The following DNAH3 variants were observed in gnomAD, a reference collection of about 807,000 sequenced individuals.
The protein encoded by DNAH3 is axonemal beta dynein heavy chain 3.
In DNAH3, 332 loss-of-function variants were observed where a neutral mutation model predicts 432.5. That is an observed-to-expected ratio of 0.77 (90% CI 0.70 to 0.84). The LOEUF is 0.84. Among genes scored for constraint, DNAH3 ranks in the 40% least tolerant of loss-of-function variants. The pLI, the probability that DNAH3 is intolerant of heterozygous loss-of-function variation, is 0.00. For synonymous variants in DNAH3, 1,956 were observed against 1,900.2 expected (o/e 1.03, Z -0.76); for missense variants, 4,861 against 5,114.0 (o/e 0.95, Z 1.51).
intron 44 of DNAH3, among the ~76,000 whole-genome samples, chr16:20,994,833 G>C (rs1165189152): frequency 6.6e-6 from 1 of 151,530 alleles, no homozygotes; most frequent in East Asian, 1.9e-4. Context: ...CATCCATGTT[G>C]TAACATGTCT....
chr16:21,058,145 C>T, exon 27 of DNAH3: 4 of 1,614,066 alleles, frequency 2.5e-6, no homozygotes, highest in Non-Finnish European at 3.4e-6. Context: ...ATGGAGGAGA[C>T]ACAGATAACC....
At chr16:20,988,933 A>G (rs1431004021) in intron 44 of DNAH3, among the ~76,000 whole-genome samples, 1 of 152,084 alleles carries the variant, frequency 6.6e-6, no homozygotes, top group Non-Finnish European at 1.5e-5. Context: ...GTCTGGAGTT[A>G]TTCGTTCCTC....
Position 21,036,706 on chromosome 16 carries a change from G to T in DNAH3, c.5085+8C>A, listed in dbSNP as rs770755364. 7.1e-5 allele frequency: 115 copies of T among 1,613,536 alleles called. No homozygotes were observed. The highest frequency in any genetic ancestry group is 9.2e-5 in the Non-Finnish European group (109 of 1,179,850). On this transcript the variant is annotated splice_region_variant and intron_variant, in intron 35 of 61. Transcript: ENST00000261383. ...AACAGGCACATTTATATGGGCTAAG[G>T]AACCAACCTGGATAATTTTCCCTAT...
Position 20,980,173 on chromosome 16 carries a change from AT to A in DNAH3, c.7860-628del, listed in dbSNP as rs36119959. Among the ~76,000 whole-genome samples the A allele has an allele frequency of 5.4e-3, 525 of 96,944 alleles. 6 individuals carry two copies. Among genetic ancestry groups the A allele is most frequent in the African/African-American group, 0.024 (471 of 19,584 alleles). The allele number at this position is 96,944 out of a possible 152,430, so 63.6% of individuals were successfully genotyped here. A position where few individuals can be genotyped will look rare whatever the true frequency, so the allele number is the denominator to read the frequency against. On this transcript the variant is annotated intron_variant, in intron 49 of 61. Transcript: ENST00000261383. ...TCCCTGACTTTGTAGAAAAAAAAAT[AT>A]ATATATATATATATAATTTTATTAT... is the stretch of plus-strand genomic sequence containing the variant.
intron 49 of DNAH3, among the ~76,000 whole-genome samples, chr16:20,980,376 G>T (rs575711731): frequency 4.1e-5 from 5 of 121,564 alleles, no homozygotes; most frequent in African/African-American, 1.1e-4. Context: ...ATATATATGT[G>T]GGGGGGGAGA....
intron 56 of DNAH3, among the ~76,000 whole-genome samples, chr16:20,951,738 ATTTTTTTTTTTT>A (rs869256566): frequency 6.8e-5 from 5 of 73,466 alleles, no homozygotes; most frequent in African/African-American, 2.7e-4. Flanking sequence ...CCTGGCCCGT[ATTTTTTTTTTTT>A]TTTTTTTTTT....
chr16:21,079,970 C>T (rs9935770), intron 20 of DNAH3, among the ~76,000 whole-genome samples: 60,910 of 152,032 alleles, frequency 0.4, 12,320 homozygotes, highest in East Asian at 0.48. Flanking sequence ...GTATCAGAAT[C>T]GCCTGGAGCA....
At chr16:20,977,748 C>T (rs2085662726) in intron 50 of DNAH3, among the ~76,000 whole-genome samples, 1 of 152,216 alleles carries the variant, frequency 6.6e-6, no homozygotes. Flanking sequence ...ACGATACTTT[C>T]TTCACACACA....
At chr16:20,952,903 C>T (rs1334420406) in intron 55 of DNAH3, among the ~76,000 whole-genome samples, 5 of 152,168 alleles carry the variant, frequency 3.3e-5, no homozygotes, top group African/African-American at 4.8e-5. Flanking sequence ...GCAGGAGCTA[C>T]GACTGGGCAA....
At chr16:20,966,575 T>C (rs3115434) in intron 52 of DNAH3, among the ~76,000 whole-genome samples, 76,813 of 151,980 alleles carry the variant, frequency 0.51, 19,672 homozygotes, top group South Asian at 0.6. Context: ...CCATCTACCT[T>C]TCCCTCAAAG....
intron 3 of DNAH3, 72 bp from the exon 5 acceptor site, chr16:21,141,444 G>A: frequency 1.7e-6 from 2 of 1,152,422 alleles, no homozygotes; most frequent in Non-Finnish European, 2.5e-6. Flanking sequence ...ACAGGGGCAT[G>A]ACTCTCGGAA....
chr16:20,989,121 T>A (rs1462565907), intron 44 of DNAH3, among the ~76,000 whole-genome samples: 1 of 152,206 alleles, frequency 6.6e-6, no homozygotes, highest in African/African-American at 2.4e-5. Flanking sequence ...TTACCACTGC[T>A]GGCTCGGGCA....
At chr16:20,972,237 T>C in intron 51 of DNAH3, among the ~76,000 whole-genome samples, 1 of 145,306 alleles carries the variant, frequency 6.9e-6, no homozygotes, top group South Asian at 2.2e-4. Flanking sequence ...TTTTTTTCTC[T>C]CTTTTTTTTT....
At chr16:21,068,815 C>A (rs913348152) in intron 23 of DNAH3, among the ~76,000 whole-genome samples, 1 of 152,080 alleles carries the variant, frequency 6.6e-6, no homozygotes, top group African/African-American at 2.4e-5. Context: ...ACAAATACAA[C>A]CTTGTAAGAA....
exon 46 of DNAH3, chr16:20,987,727 T>C (rs750814316): frequency 6.2e-7 from 1 of 1,614,144 alleles, no homozygotes. Flanking sequence ...CAGGACCCCT[T>C]GAATCACTCG....
intron 41 of DNAH3, among the ~76,000 whole-genome samples, chr16:21,007,513 G>A (rs1260245869): frequency 1.3e-5 from 2 of 152,022 alleles, no homozygotes; most frequent in East Asian, 1.9e-4. Flanking sequence ...TATATCTTCT[G>A]TAAATAACGG....
At chr16:20,989,075 C>T (rs1233936582) in intron 44 of DNAH3, among the ~76,000 whole-genome samples, 1 of 152,196 alleles carries the variant, frequency 6.6e-6, no homozygotes, top group Non-Finnish European at 1.5e-5. Flanking sequence ...AGCGAAAGAA[C>T]AAAGCTTCCA....
At chr16:21,111,254 G>T (rs1484565732) in intron 14 of DNAH3, among the ~76,000 whole-genome samples, 1 of 152,160 alleles carries the variant, frequency 6.6e-6, no homozygotes, top group South Asian at 2.1e-4. Context: ...AGGAAAATGC[G>T]CCTGTAAGCA....
chr16:20,967,584 C>A (rs542912678), intron 52 of DNAH3, among the ~76,000 whole-genome samples: 1 of 136,074 alleles, frequency 7.3e-6, no homozygotes, highest in South Asian at 2.5e-4. Flanking sequence ...CTCACTGCAA[C>A]TTCTGCCTCC....
Sources: gnomAD v4.1 joint callset for allele counts (sites outside exome capture counted in the v4.1 genomes callset) on GRCh38, gnomAD v4.1.1 for gene constraint, MANE v1.5 for transcripts, NCBI Gene and HGNC (gene_info 2026-07-23, HGNC 2026-07-21) for gene names.